POU6F2: variants seen among roughly 807,000 people sequenced by gnomAD.
The protein encoded by POU6F2 is POU domain, class 6, transcription factor 2.
Under a neutral mutation model 71.3 loss-of-function variants are expected in POU6F2, and 31 were observed. The observed-to-expected ratio is 0.43, with a 90% CI of 0.33 to 0.59. The LOEUF (loss-of-function observed/expected upper bound fraction) is 0.59, where lower values mean the gene tolerates loss of function less well. Ranked by LOEUF, POU6F2 falls within the 20% of genes least tolerant of loss-of-function variation. The pLI, the probability that POU6F2 is intolerant of heterozygous loss-of-function variation, is 0.04. For synonymous variants in POU6F2, 347 were observed against 355.7 expected (o/e 0.98, Z 0.27); for missense variants, 783 against 856.8 (o/e 0.91, Z 1.07).
intron 7 of POU6F2, among the ~76,000 whole-genome samples, chr7:39,438,636 G>GA (rs1788310520): frequency 6.6e-6 from 1 of 152,198 alleles, no homozygotes. Flanking sequence ...AACCATTGTG[G>GA]AAGACAGTGT....
intron 4 of POU6F2, among the ~76,000 whole-genome samples, chr7:39,297,297 G>A (rs1784868576): frequency 6.6e-6 from 1 of 151,270 alleles, no homozygotes; most frequent in Non-Finnish European, 1.5e-5. Context: ...CCTGTATGAA[G>A]TCTGAGACTT....
chr7:39,436,916 G>T (rs1457098025), intron 7 of POU6F2, among the ~76,000 whole-genome samples: 5 of 152,176 alleles, frequency 3.3e-5, no homozygotes, highest in African/African-American at 9.7e-5. Flanking sequence ...TTTATGCAAT[G>T]GATTACGCTT....
intron 6 of POU6F2, among the ~76,000 whole-genome samples, chr7:39,418,729 T>A (rs1787744339): frequency 6.6e-6 from 1 of 150,926 alleles, no homozygotes; most frequent in African/African-American, 2.4e-5. Context: ...TTAACCAACT[T>A]TCCAGAGCCA....
At chr7:39,031,002 G>A (rs1297037308) in intron 1 of POU6F2, among the ~76,000 whole-genome samples, 1 of 152,106 alleles carries the variant, frequency 6.6e-6, no homozygotes, top group Non-Finnish European at 1.5e-5. Flanking sequence ...CCGGGTTCAA[G>A]CGATTCTCCT....
At chr7:38,985,858 T>C (rs1044298734) in intron 1 of POU6F2, among the ~76,000 whole-genome samples, 15 of 152,182 alleles carry the variant, frequency 9.9e-5, no homozygotes, top group Admixed American at 1.3e-4. Flanking sequence ...AAGGCTAATA[T>C]GGCTCAAATC....
chr7:39,100,217 G>A (rs1791539461), intron 2 of POU6F2, among the ~76,000 whole-genome samples: 1 of 152,110 alleles, frequency 6.6e-6, no homozygotes, highest in Non-Finnish European at 1.5e-5. Flanking sequence ...TTTTTCAAAA[G>A]GAACAAACCA....
chr7:39,364,511 A>T lies in POU6F2; in HGVS notation c.972+24496A>T, dbSNP rs186481924. Among the ~76,000 whole-genome samples, 27 of 152,272 alleles carry T rather than the reference A, an allele frequency of 1.8e-4. No homozygotes were observed. The East Asian group carries it at 4.4e-3, about 25-fold the overall frequency. ...AGCTTCCACTTATGAGCGAGAACAT[A>T]CCATGTTTGCTTTTCCATTCCTGAG... is the stretch of plus-strand genomic sequence containing the variant. On this transcript the variant is annotated intron_variant, in intron 5 of 9. Coordinates refer to ENST00000518318, the MANE Select transcript of POU6F2 (RefSeq NM_001370959.1).
In POU6F2 at chr7:39,425,026, A is replaced by C. The variant is rs148693996; in HGVS notation, c.1114-8051A>C. Among the ~76,000 whole-genome samples the C allele has an allele frequency of 3.5e-3, 531 of 152,232 alleles. 6 individuals are homozygous for C. Among genetic ancestry groups the C allele is most frequent in the South Asian group, 0.011 (52 of 4,814 alleles). On this transcript the variant is annotated intron_variant, in intron 6 of 9. Transcript: ENST00000518318. The stretch of plus-strand genomic sequence containing the variant: ...TTGACTCCTACCTGGGAGACGTGTC[A>C]ATTCCCTGAGATGTGGACTTTCCTC...
intron 5 of POU6F2, among the ~76,000 whole-genome samples, chr7:39,388,350 C>T (rs1258042132): frequency 6.6e-6 from 1 of 152,048 alleles, no homozygotes; most frequent in East Asian, 1.9e-4. Flanking sequence ...GAGTCTCACT[C>T]TGTTGTCCAG....
At chr7:39,222,071 G>A (rs896561504) in intron 4 of POU6F2, among the ~76,000 whole-genome samples, 16 of 152,004 alleles carry the variant, frequency 1.1e-4, no homozygotes, top group African/African-American at 3.4e-4. Flanking sequence ...AAAAGCCTAG[G>A]CATCCACACA....
At chr7:39,126,793 AT>A (rs1792147083) in intron 2 of POU6F2, among the ~76,000 whole-genome samples, 1 of 152,238 alleles carries the variant, frequency 6.6e-6, no homozygotes, top group Non-Finnish European at 1.5e-5. Flanking sequence ...ACACATAGAT[AT>A]TTACAATCCA....
intron 4 of POU6F2, among the ~76,000 whole-genome samples, chr7:39,285,539 C>T (rs1320822645): frequency 6.6e-6 from 1 of 152,158 alleles, no homozygotes; most frequent in East Asian, 1.9e-4. Flanking sequence ...CATATTTGTA[C>T]TGGATCCAAT....
chr7:39,166,077 C>T (rs1254529921), intron 2 of POU6F2, among the ~76,000 whole-genome samples: 2 of 152,214 alleles, frequency 1.3e-5, no homozygotes, highest in Admixed American at 6.5e-5. Context: ...TTCATCTTAT[C>T]CACCAGACTG....
chr7:39,274,290 G>C (rs1192510884), intron 4 of POU6F2, among the ~76,000 whole-genome samples: 2 of 152,196 alleles, frequency 1.3e-5, no homozygotes, highest in African/African-American at 4.8e-5. Flanking sequence ...AAATAAATTA[G>C]AAAATCTAGA....
intron 4 of POU6F2, among the ~76,000 whole-genome samples, chr7:39,294,746 C>T (rs1463491816): frequency 6.6e-6 from 1 of 152,124 alleles, no homozygotes; most frequent in Non-Finnish European, 1.5e-5. Flanking sequence ...ACCTGTGCCA[C>T]TCCCAGCAGG....
intron 5 of POU6F2, among the ~76,000 whole-genome samples, chr7:39,357,518 T>A (rs1222389865): frequency 6.6e-6 from 1 of 152,130 alleles, no homozygotes; most frequent in Non-Finnish European, 1.5e-5. Context: ...ACCGGGGTAG[T>A]CTCTGTGCAA....
At chr7:39,382,374 A>G (rs1786846646) in intron 5 of POU6F2, among the ~76,000 whole-genome samples, 1 of 152,160 alleles carries the variant, frequency 6.6e-6, no homozygotes, top group African/African-American at 2.4e-5. Flanking sequence ...TCCAATAGAA[A>G]GAGAGCACCA....
In POU6F2 at chr7:39,117,846, G is replaced by C. The variant is rs1791964717; in HGVS notation, c.277+31815G>C. On this transcript the variant is annotated intron_variant, in intron 2 of 9. Transcript: ENST00000518318. ...ACCTATCGGAGACATGAGCCTTACT[G>C]TCTGGGGAGATTGAAACAGAGAGGT... Among the ~76,000 whole-genome samples, 4 of 152,178 alleles carry C rather than the reference G, an allele frequency of 2.6e-5. No individual in the cohort carries two copies. The South Asian group carries it at 8.3e-4, about 32-fold the overall frequency.
intron 5 of POU6F2, among the ~76,000 whole-genome samples, chr7:39,385,037 T>A (rs1258839406): frequency 1.3e-5 from 2 of 152,230 alleles, no homozygotes; most frequent in East Asian, 3.8e-4. Context: ...CCAAAAGGGA[T>A]CTGAGAGAAC....
Sources: gnomAD v4.1 joint callset for allele counts (sites outside exome capture counted in the v4.1 genomes callset) on GRCh38, gnomAD v4.1.1 for gene constraint, MANE v1.5 for transcripts, NCBI Gene and HGNC (gene_info 2026-07-23, HGNC 2026-07-21) for gene names.